PAX5: variants seen among roughly 807,000 people sequenced by gnomAD.
The protein encoded by PAX5 is paired box 5, also known as paired box protein Pax-5.
In PAX5, 9 loss-of-function variants were observed where a neutral mutation model predicts 43.7. That is an observed-to-expected ratio of 0.21 (90% CI 0.12 to 0.36). The LOEUF (loss-of-function observed/expected upper bound fraction) is 0.36. Ranked by LOEUF, PAX5 falls within the 10% of genes least tolerant of loss-of-function variation. PAX5 has a pLI of 1.00. For missense variants in PAX5, 383 were observed against 532.7 expected (o/e 0.72, Z 2.77); for synonymous variants, 228 against 214.3 (o/e 1.06, Z -0.56).
chr9:36,863,159 C>T (rs1824391402), intron 8 of PAX5, among the ~76,000 whole-genome samples: 1 of 152,268 alleles, frequency 6.6e-6, no homozygotes, highest in African/African-American at 2.4e-5. Context: ...CCTGCGGTAG[C>T]TGCTTCACAC....
At chr9:36,944,109 C>A (rs1049044030) in intron 6 of PAX5, among the ~76,000 whole-genome samples, 3 of 152,062 alleles carry the variant, frequency 2.0e-5, no homozygotes, top group South Asian at 2.1e-4. Flanking sequence ...GCTTGTGCCC[C>A]GGAGTTCAAG....
chr9:36,926,981 T>A (rs1830696507), intron 6 of PAX5, among the ~76,000 whole-genome samples: 1 of 151,890 alleles, frequency 6.6e-6, no homozygotes, highest in Non-Finnish European at 1.5e-5. Flanking sequence ...GAGTGAACAA[T>A]CCCTAACTCC....
intron 6 of PAX5, among the ~76,000 whole-genome samples, chr9:36,949,628 C>T (rs1019877216): frequency 6.6e-6 from 1 of 152,220 alleles, no homozygotes; most frequent in African/African-American, 2.4e-5. Flanking sequence ...GTTGCAAAGT[C>T]ACAAGCAGCT....
chr9:36,888,859 G>T (rs781164511), intron 7 of PAX5, among the ~76,000 whole-genome samples: 2 of 152,180 alleles, frequency 1.3e-5, no homozygotes, highest in African/African-American at 2.4e-5. Flanking sequence ...GTTGCCTCCA[G>T]AGCCAAATCT....
intron 7 of PAX5, among the ~76,000 whole-genome samples, chr9:36,921,102 T>C (rs966082626): frequency 7.2e-5 from 11 of 152,180 alleles, no homozygotes; most frequent in Admixed American, 2.6e-4. Context: ...CGTGAGCCAC[T>C]GCGCCCAGCC....
At chr9:36,877,317 G>A (rs529199245) in intron 8 of PAX5, among the ~76,000 whole-genome samples, 11 of 152,248 alleles carry the variant, frequency 7.2e-5, no homozygotes, top group South Asian at 4.1e-4. Flanking sequence ...CTTGGGCGAC[G>A]GCCAGAGTGA....
In PAX5 at chr9:36,870,027, GATGGATAA is replaced by G. The variant is rs1248015005; in HGVS notation, c.1012+11969_1012+11976del. On this transcript the variant is annotated intron_variant, in intron 8 of 9. Transcript: ENST00000358127. The stretch of plus-strand genomic sequence containing the variant: ...GGATAAATGGATGGATGGATGGATG[GATGGATAA>G]ATGGATGGATGGATGGATGGATAAA... Among the ~76,000 whole-genome samples the G allele has an allele frequency of 4.5e-4, 22 of 48,460 alleles. 2 individuals are homozygous for G. The highest frequency in any genetic ancestry group is 1.1e-3 in the East Asian group (1 of 898). 31.8% of individuals were successfully genotyped at this position (48,460 alleles called of 152,430 possible). A position where few individuals can be genotyped will look rare whatever the true frequency, so the allele number is the denominator to read the frequency against.
intron 6 of PAX5, among the ~76,000 whole-genome samples, chr9:36,946,660 T>C (rs1488951196): frequency 6.6e-6 from 1 of 152,204 alleles, no homozygotes; most frequent in African/African-American, 2.4e-5. Flanking sequence ...TGACTACCAG[T>C]AATGGAAGGG....
At chr9:36,905,662 T>A (rs910181776) in intron 7 of PAX5, among the ~76,000 whole-genome samples, 3 of 151,532 alleles carry the variant, frequency 2.0e-5, no homozygotes, top group African/African-American at 7.3e-5. Flanking sequence ...GCTTCATAGA[T>A]AGGCAGATAG....
intron 7 of PAX5, among the ~76,000 whole-genome samples, chr9:36,895,958 T>G (rs1827825658): frequency 6.6e-6 from 1 of 152,186 alleles, no homozygotes; most frequent in Non-Finnish European, 1.5e-5. Flanking sequence ...CAGCCAGCCC[T>G]GGACTAGGAG....
intron 8 of PAX5, among the ~76,000 whole-genome samples, chr9:36,863,697 G>A (rs144949345): frequency 6.6e-5 from 10 of 151,930 alleles, no homozygotes; most frequent in Admixed American, 1.3e-4. Flanking sequence ...TGTGCAAGCC[G>A]ATGCCTCCAC....
In PAX5 at chr9:36,926,589, C is replaced by T. The variant is rs114226644; in HGVS notation, c.781-3105G>A. The stretch of plus-strand genomic sequence containing the variant: ...TCGGGCATGAATTTAGAATTCCACT[C>T]ACTGGAAGCAACTCCTTCAGTTCAT... On this transcript the variant is annotated intron_variant, in intron 6 of 9. Coordinates refer to ENST00000358127, the MANE Select transcript of PAX5 (RefSeq NM_016734.3). Among the ~76,000 whole-genome samples the T allele has an allele frequency of 4.8e-3, 735 of 152,330 alleles. 8 individuals are homozygous for T. Among genetic ancestry groups the T allele is most frequent in the African/African-American group, 0.016 (674 of 41,580 alleles).
intron 7 of PAX5, among the ~76,000 whole-genome samples, chr9:36,919,142 A>C (rs77449625): frequency 0.046 from 6,966 of 152,272 alleles, 210 homozygotes; most frequent in East Asian, 0.11. Flanking sequence ...GAATTATACT[A>C]AATCTACTCT....
At chr9:36,873,913 A>G (rs1301648120) in intron 8 of PAX5, among the ~76,000 whole-genome samples, 17 of 152,220 alleles carry the variant, frequency 1.1e-4, no homozygotes, top group Admixed American at 1.1e-3. Flanking sequence ...CCTGTTTCAC[A>G]TGCTTAACCA....
Position 37,034,260 on chromosome 9 carries a change from T to C in PAX5, c.-229A>G, listed in dbSNP as rs1841326839. Reference sequence around the variant, plus strand: ...GCGTCCGAAGGCACCGTGAAATGATTAAGGAACTAAAGAGCTTCTCGCCAT... The same window carrying C: ...GCGTCCGAAGGCACCGTGAAATGATCAAGGAACTAAAGAGCTTCTCGCCAT... On this transcript the variant is annotated 5_prime_UTR_variant, in exon 1 of 10. Coordinates refer to ENST00000358127, the MANE Select transcript of PAX5 (RefSeq NM_016734.3). 1 of 536,614 alleles carries C rather than the reference T, an allele frequency of 1.9e-6. No homozygotes were observed. Among genetic ancestry groups the C allele is most frequent in the Admixed American group, 3.2e-5 (1 of 31,270 alleles). 33.2% of individuals were successfully genotyped at this position (536,614 alleles called of 1,614,324 possible).
chr9:36,864,981 A>G (rs1243633955), intron 8 of PAX5, among the ~76,000 whole-genome samples: 1 of 152,206 alleles, frequency 6.6e-6, no homozygotes, highest in African/African-American at 2.4e-5. Context: ...GTGTGCAGAG[A>G]GAGGCACCGC....
chr9:37,023,720 G>T (rs1453670231), intron 1 of PAX5, among the ~76,000 whole-genome samples: 2 of 152,128 alleles, frequency 1.3e-5, no homozygotes, highest in Non-Finnish European at 2.9e-5. Context: ...TGGGGAAAGG[G>T]ACTTTGCTGA....
At chr9:36,920,010 ATAGCGAGAGAACAAGAAT>A (rs1483201637) in intron 7 of PAX5, among the ~76,000 whole-genome samples, 4 of 152,170 alleles carry the variant, frequency 2.6e-5, no homozygotes, top group Non-Finnish European at 5.9e-5. Context: ...TATGGTGGAA[ATAGCGAGAGAACAAGAAT>A]TAGAAGTGGA....
chr9:36,950,678 T>C (rs1209641731), intron 6 of PAX5, among the ~76,000 whole-genome samples: 1 of 152,092 alleles, frequency 6.6e-6, no homozygotes, highest in South Asian at 2.1e-4. Flanking sequence ...CTTCTGTTCC[T>C]TCTCCACAGG....
Sources: allele counts gnomAD v4.1 joint callset (sites outside exome capture counted in the v4.1 genomes callset), GRCh38; gene constraint gnomAD v4.1.1; transcripts MANE v1.5; gene names NCBI Gene and HGNC (gene_info 2026-07-23, HGNC 2026-07-21).